Variants in COL18A1 observed in about 807,000 individuals in gnomAD.
The protein encoded by COL18A1 is collagen type XVIII alpha 1 chain, also known as collagen alpha-1(XVIII) chain.
Under a neutral mutation model 168.0 loss-of-function variants are expected in COL18A1, and 133 were observed. The ratio of observed to expected loss-of-function variants is 0.79; its 90% CI spans 0.69 to 0.91. The LOEUF is 0.91. Ranked by LOEUF, COL18A1 falls within the 40% of genes least tolerant of loss-of-function variation. The pLI, the probability that COL18A1 is intolerant of heterozygous loss-of-function variation, is 0.00. For synonymous variants in COL18A1, 949 were observed against 809.0 expected, an observed-to-expected ratio of 1.17 and a Z score of -2.94; for missense variants, 2,126 against 1,925.4, an observed-to-expected ratio of 1.10 and a Z score of -1.95.
intron 5 of COL18A1, 114 bp downstream of exon 5, chr21:45,475,649 C>G (rs1820639567): frequency 3.3e-6 from 3 of 912,928 alleles, no homozygotes; most frequent in Non-Finnish European, 1.7e-6. Flanking sequence ...CCCTCTATGC[C>G]ACGAAGACAT....
intron 2 of COL18A1, among the ~76,000 whole-genome samples, chr21:45,440,479 G>A (rs1205539534): frequency 6.6e-6 from 1 of 152,090 alleles, no homozygotes; most frequent in East Asian, 1.9e-4. Context: ...CAAGCAGTCG[G>A]GGCCTGCTGG....
At chr21:45,475,294 C>T (rs1163138859) in intron 4 of COL18A1, among the ~76,000 whole-genome samples, 182 bp from the exon 5 acceptor site, 1 of 152,214 alleles carries the variant, frequency 6.6e-6, no homozygotes, top group African/African-American at 2.4e-5. Context: ...CAGATGGTGC[C>T]TGGGCAGGGA....
In COL18A1 at chr21:45,488,462, C is replaced by T; in HGVS notation, c.1923+18C>T. On this transcript the variant is annotated intron_variant, in intron 18 of 41. Transcript: ENST00000651438. Reference sequence around the variant, plus strand: ...GACTTAAGGTCAGTGACGGATATGTCTGGGTTTCTGTGGTTGCTGGCTTGG... The same window carrying T: ...GACTTAAGGTCAGTGACGGATATGTTTGGGTTTCTGTGGTTGCTGGCTTGG... 1 of 1,613,892 alleles carries T rather than the reference C, an allele frequency of 6.2e-7. No homozygotes were observed.
At chr21:45,487,978 A>C (rs940490448) in intron 17 of COL18A1, among the ~76,000 whole-genome samples, 3 of 152,252 alleles carry the variant, frequency 2.0e-5, no homozygotes, top group Non-Finnish European at 4.4e-5. Flanking sequence ...AACTGTGCTC[A>C]GACAGCTCAG....
At position 45,456,008 on chromosome 21, in the gene COL18A1, AC is replaced by A. The variant is rs766977257; in HGVS notation, c.107-12228del. 3.0e-5 allele frequency: 49 copies of A among 1,612,588 alleles called. No individual in the cohort carries two copies. In the Middle Eastern group the frequency reaches 4.9e-4, roughly 16 times the overall value. On this transcript the variant is annotated intron_variant, in intron 2 of 41. Coordinates refer to ENST00000651438, the MANE Select transcript of COL18A1 (RefSeq NM_001379500.1). ...CCTTGCCCTCGCTGGGCCTTCCAGC[AC>A]CCCCCAGGAGAATGGGACCACTCTC...
rs1039797406 is a variant in COL18A1 at position 45,459,801 on chromosome 21, G to A, written c.107-8441G>A. Among the ~76,000 whole-genome samples, 22 of 152,246 alleles carry A rather than the reference G, an allele frequency of 1.4e-4. No individual in the cohort carries two copies. In the East Asian group the frequency reaches 3.3e-3, roughly 23 times the overall value. ...AGCGGGGCTTGGGCTTGGGCTGCCC[G>A]GGACACTGCCTCCAGGAAGCCCCCT... On this transcript the variant is annotated intron_variant, in intron 2 of 41. Coordinates refer to ENST00000651438, the MANE Select transcript of COL18A1 (RefSeq NM_001379500.1).
chr21:45,503,557 A>G lies in COL18A1; in HGVS notation c.2684-454A>G, dbSNP rs978944813. Among the ~76,000 whole-genome samples, 28 of 146,998 alleles carry G rather than the reference A, an allele frequency of 1.9e-4. 1 individual carries two copies. The highest frequency in any genetic ancestry group is 1.9e-3 in the Admixed American group (27 of 14,186). The stretch of plus-strand genomic sequence containing the variant: ...AAGAACAAAAAACCAAACACCGCAT[A>G]TTCTCACTCATAGGTGGGAACTGAA... On this transcript the variant is annotated intron_variant, in intron 32 of 41. Coordinates refer to ENST00000651438, the MANE Select transcript of COL18A1 (RefSeq NM_001379500.1).
chr21:45,432,183 G>C (rs929942798), intron 2 of COL18A1, among the ~76,000 whole-genome samples: 2 of 152,206 alleles, frequency 1.3e-5, no homozygotes, highest in Non-Finnish European at 2.9e-5. Context: ...GCCCCAGCAG[G>C]GCCTCCCTGG....
intron 2 of COL18A1, chr21:45,410,076 C>T (rs908664956): frequency 2.6e-5 from 4 of 152,212 alleles, no homozygotes; most frequent in African/African-American, 9.7e-5. Context: ...GTCTGTGCCC[C>T]GTGCCTGCAG....
rs2034899114 is a variant in COL18A1 at position 45,457,980 on chromosome 21, A to G, written c.107-10262A>G. Among the ~76,000 whole-genome samples, 1 of 152,114 alleles carries G rather than the reference A, an allele frequency of 6.6e-6. No homozygotes were observed. The highest frequency in any genetic ancestry group is 2.1e-4 in the South Asian group (1 of 4,834). On this transcript the variant is annotated intron_variant, in intron 2 of 41. Coordinates refer to ENST00000651438, the MANE Select transcript of COL18A1 (RefSeq NM_001379500.1). This position sits in a 1 kb window ranked among gnomAD's most constrained non-coding sequence, Gnocchi z 4.6. Reference sequence around the variant, plus strand: ...GTGACCGTTTCTCTCAGCAAAGCCCAGAGCCTCTGCAGACCCTGTGTGGGG... The same window carrying G: ...GTGACCGTTTCTCTCAGCAAAGCCCGGAGCCTCTGCAGACCCTGTGTGGGG...
chr21:45,493,742 T>A, intron 26 of COL18A1, 167 bp downstream of exon 26: 1 of 618,154 alleles, frequency 1.6e-6, no homozygotes, highest in East Asian at 2.8e-5. Flanking sequence ...CTCGCACCCA[T>A]GTCGGCGGTT....
chr21:45,475,742 CCG>C (rs1363108857), intron 5 of COL18A1, among the ~76,000 whole-genome samples: 3 of 142,046 alleles, frequency 2.1e-5, no homozygotes, highest in Non-Finnish European at 4.5e-5. Context: ...TGCCTGGCCG[CCG>C]CGTGTCTCTG....
At chr21:45,505,086 G>T in intron 34 of COL18A1, 48 bp from the exon 35 acceptor site, 1 of 1,592,048 alleles carries the variant, frequency 6.3e-7, no homozygotes, top group East Asian at 2.3e-5. Flanking sequence ...CCCGCCCCCA[G>T]TCCAGGGCAC....
At chr21:45,489,601 CG>C (rs1269032373) in intron 19 of COL18A1, 80 bp downstream of exon 19, 3 of 951,544 alleles carry the variant, frequency 3.2e-6, no homozygotes, top group South Asian at 1.7e-5. Flanking sequence ...GAGATCAGCT[CG>C]GGGCGGCCTT....
At chr21:45,490,541 C>T (rs990214320) in intron 20 of COL18A1, among the ~76,000 whole-genome samples, 195 bp downstream of exon 20, 13 of 108,570 alleles carry the variant, frequency 1.2e-4, no homozygotes, top group African/African-American at 2.0e-4. Context: ...TCTGGGCCTC[C>T]GTGTGCCCTC....
chr21:45,458,565 C>A (rs926787461), intron 2 of COL18A1, among the ~76,000 whole-genome samples: 1 of 152,166 alleles, frequency 6.6e-6, no homozygotes, highest in Admixed American at 6.5e-5. Context: ...TGCAGGCAAC[C>A]CCCCCGGAGC....
chr21:45,494,929 G>T lies in COL18A1; in HGVS notation c.2433+14G>T, dbSNP rs1346774402. On this transcript the variant is annotated intron_variant, in intron 28 of 41. Coordinates refer to ENST00000651438, the MANE Select transcript of COL18A1 (RefSeq NM_001379500.1). ...CCTGGACGGCCGGTGAGGACCTGGGGTCTCCAGTGGGGGCGGCAGATGGGG... is the reference window on the plus strand; with the variant it reads ...CCTGGACGGCCGGTGAGGACCTGGGTTCTCCAGTGGGGGCGGCAGATGGGG... 1.2e-6 allele frequency: 2 copies of T among 1,608,162 alleles called. No individual in the cohort carries two copies. The highest frequency in any genetic ancestry group is 1.7e-6 in the Non-Finnish European group (2 of 1,177,516).
Position 45,487,177 on chromosome 21 carries a change from C to T in COL18A1, c.1833+185C>T, listed in dbSNP as rs1568917297. Among the ~76,000 whole-genome samples the T allele has an allele frequency of 3.3e-5, 5 of 152,348 alleles. No homozygotes were observed. In the South Asian group the frequency reaches 1.0e-3, roughly 32 times the overall value. ...AGTCTCTCGCCCGTCGCCCGTGCCC[C>T]ACGGTGCTGATGGGGATCTTGGCCC... is the stretch of plus-strand genomic sequence containing the variant. On this transcript the variant is annotated intron_variant, in intron 16 of 41. Coordinates refer to ENST00000651438, the MANE Select transcript of COL18A1 (RefSeq NM_001379500.1).
At position 45,498,571 on chromosome 21, in the gene COL18A1, A is replaced by AG. The variant is rs200964006; in HGVS notation, c.2683+912dup. The AG allele has an allele frequency of 5.3e-3, 3,796 of 716,606 alleles. 166 individuals are homozygous for AG. The Admixed American group carries it at 0.058, about 11-fold the overall frequency. 44.4% of individuals were successfully genotyped at this position (716,606 alleles called of 1,614,324 possible). A position where few individuals can be genotyped will look rare whatever the true frequency, so the allele number is the denominator to read the frequency against. On this transcript the variant is annotated intron_variant, in intron 32 of 41. Transcript: ENST00000651438. This position sits in a 1 kb window ranked among gnomAD's most constrained non-coding sequence, Gnocchi z 4.5. ...CTGCACTCTGGGGTGGGAAGGGACCAGGCAGGCAGAGGCCGAGTCTGGGCC... is the reference window on the plus strand; with the variant it reads ...CTGCACTCTGGGGTGGGAAGGGACCAGGGCAGGCAGAGGCCGAGTCTGGGCC...
Sources: gnomAD v4.1 joint callset for allele counts (sites outside exome capture counted in the v4.1 genomes callset) on GRCh38, gnomAD v4.1.1 for gene constraint, Gnocchi (gnomAD v3.1) non-coding constraint, MANE v1.5 for transcripts, NCBI Gene and HGNC (gene_info 2026-07-23, HGNC 2026-07-21) for gene names.